PLEKHB2: variants seen among roughly 807,000 people sequenced by gnomAD.
The protein encoded by PLEKHB2 is pleckstrin homology domain-containing family B member 2.
A neutral mutation model predicts 36.5 loss-of-function variants in PLEKHB2; 31 were observed. That is an observed-to-expected ratio of 0.85 (90% CI 0.64 to 1.15). PLEKHB2 has a LOEUF of 1.15. PLEKHB2 is among the 50% of genes most tolerant of loss of function. The pLI is 0.00. For missense variants in PLEKHB2, 262 were observed against 295.3 expected, an observed-to-expected ratio of 0.89 and a Z score of 0.83; for synonymous variants, 119 against 112.0, an observed-to-expected ratio of 1.06 and a Z score of -0.39.
At chr2:131,122,785 C>G (rs1329725206) in intron 2 of PLEKHB2, among the ~76,000 whole-genome samples, 1 of 152,186 alleles carries the variant, frequency 6.6e-6, no homozygotes, top group Non-Finnish European at 1.5e-5. Flanking sequence ...GTCCTGTAGT[C>G]TTAGAATAGA....
chr2:131,149,648 C>CT lies in PLEKHB2; in HGVS notation c.*2880dup, dbSNP rs1272548528. 1 of 152,224 alleles carries CT rather than the reference C, an allele frequency of 6.6e-6. No individual in the cohort carries two copies. Among genetic ancestry groups the CT allele is most frequent in the East Asian group, 1.9e-4 (1 of 5,198 alleles). 9.4% of individuals were successfully genotyped at this position (152,224 alleles called of 1,614,324 possible). Reference sequence around the variant, plus strand: ...CAAGTTTTGATCCTGTGTAATATTTCTTTTTCCTTCCCTAGTGTATGTAGA... The same window carrying CT: ...CAAGTTTTGATCCTGTGTAATATTTCTTTTTTCCTTCCCTAGTGTATGTAGA... On this transcript the variant is annotated 3_prime_UTR_variant, in exon 8 of 8. Transcript: ENST00000693505.
At chr2:131,145,478 C>G (rs928978301) in intron 7 of PLEKHB2, among the ~76,000 whole-genome samples, 14 of 152,092 alleles carry the variant, frequency 9.2e-5, no homozygotes, top group African/African-American at 3.4e-4. Context: ...TACAGGCATG[C>G]GCCACTACCC....
intron 7 of PLEKHB2, among the ~76,000 whole-genome samples, chr2:131,145,830 T>C (rs1422068105): frequency 6.6e-6 from 1 of 152,256 alleles, no homozygotes; most frequent in Non-Finnish European, 1.5e-5. Context: ...TTTGTTTTTT[T>C]GAAGTTTTCA....
chr2:131,143,071 C>T (rs1698952688), intron 7 of PLEKHB2, among the ~76,000 whole-genome samples: 1 of 152,206 alleles, frequency 6.6e-6, no homozygotes, highest in Non-Finnish European at 1.5e-5. Context: ...ATCTTCAACA[C>T]TTGATTATAA....
chr2:131,108,962 C>T (rs1404630354), intron 1 of PLEKHB2, among the ~76,000 whole-genome samples: 2 of 152,038 alleles, frequency 1.3e-5, no homozygotes, highest in East Asian at 3.9e-4. Context: ...GTGACTTGTC[C>T]GATTGAGTCA....
intron 1 of PLEKHB2, among the ~76,000 whole-genome samples, chr2:131,113,130 T>C (rs1221965993): frequency 6.6e-6 from 1 of 151,724 alleles, no homozygotes; most frequent in East Asian, 1.9e-4. Context: ...CTGCCCAGGT[T>C]GGAATGTAGT....
Position 131,125,825 on chromosome 2 carries a change from A to G in PLEKHB2, c.110A>G (p.Asp37Gly), listed in dbSNP as rs1326535204. 1.9e-6 allele frequency: 3 copies of G among 1,613,658 alleles called. No homozygotes were observed. The highest frequency in any genetic ancestry group is 2.5e-6 in the Non-Finnish European group (3 of 1,179,772). ...WSDGHLIYYD[D>G]QTRQNIEDKV... Reference sequence around the variant, plus strand: ...GATGGTCACCTGATCTATTATGATGACCAGACTCGGCAGAATATCGAGGAT... The same window carrying G: ...GATGGTCACCTGATCTATTATGATGGCCAGACTCGGCAGAATATCGAGGAT... The change falls in exon 3 of 8, where the codon GAC becomes GGC. Residue 37 changes from aspartate to glycine, a missense_variant. Physicochemically the swap from Asp to Gly is moderately conservative, Grantham distance 94 (BLOSUM62 -1). Transcript: ENST00000693505.
chr2:131,141,811 T>C (rs1698817052), intron 7 of PLEKHB2, among the ~76,000 whole-genome samples: 2 of 152,322 alleles, frequency 1.3e-5, no homozygotes, highest in South Asian at 2.1e-4. Flanking sequence ...AAACCAATTT[T>C]ATGGTAGACT....
At chr2:131,143,930 GT>G (rs1699034328) in intron 7 of PLEKHB2, among the ~76,000 whole-genome samples, 1 of 152,200 alleles carries the variant, frequency 6.6e-6, no homozygotes, top group African/African-American at 2.4e-5. Context: ...CGTCAGTAGA[GT>G]AGAAGTAGCA....
At chr2:131,128,712 C>T (rs1163894286) in intron 4 of PLEKHB2, among the ~76,000 whole-genome samples, 1 of 152,106 alleles carries the variant, frequency 6.6e-6, no homozygotes, top group African/African-American at 2.4e-5. Context: ...ACTGGAGATA[C>T]TCTCAGTGAC....
intron 1 of PLEKHB2, among the ~76,000 whole-genome samples, chr2:131,105,968 G>T (rs945171465): frequency 1.3e-5 from 2 of 152,124 alleles, no homozygotes; most frequent in Non-Finnish European, 2.9e-5. Flanking sequence ...GGGCGTTGAG[G>T]CTTTACCCTC....
At chr2:131,116,594 C>T (rs1033653824) in intron 1 of PLEKHB2, among the ~76,000 whole-genome samples, 7 of 152,068 alleles carry the variant, frequency 4.6e-5, no homozygotes, top group Non-Finnish European at 1.0e-4. Context: ...AAGTAGATCT[C>T]CTGAGAACTC....
chr2:131,122,093 T>C (rs1169423145), intron 2 of PLEKHB2, among the ~76,000 whole-genome samples: 1 of 152,132 alleles, frequency 6.6e-6, no homozygotes, highest in South Asian at 2.1e-4. Flanking sequence ...AGACGGAGTT[T>C]CTCCATGTTG....
At chr2:131,144,560 CCTTT>C (rs1699097417) in intron 7 of PLEKHB2, 2 of 425,054 alleles carry the variant, frequency 4.7e-6, no homozygotes, top group Non-Finnish European at 7.9e-6. Flanking sequence ...AAGTAACCTT[CCTTT>C]ATTTAGTTTT....
At chr2:131,109,295 ATTAAT>A in intron 1 of PLEKHB2, among the ~76,000 whole-genome samples, 1 of 152,350 alleles carries the variant, frequency 6.6e-6, no homozygotes, top group East Asian at 1.9e-4. Flanking sequence ...AAATAGGTAG[ATTAAT>A]TTAGGTTGGT....
intron 4 of PLEKHB2, among the ~76,000 whole-genome samples, chr2:131,130,302 C>T (rs1170614292): frequency 1.3e-5 from 2 of 152,168 alleles, no homozygotes; most frequent in Non-Finnish European, 2.9e-5. Context: ...CCTTGGCCTC[C>T]CATAGTGCTG....
At chr2:131,143,981 AG>A in intron 7 of PLEKHB2, among the ~76,000 whole-genome samples, 1 of 152,212 alleles carries the variant, frequency 6.6e-6, no homozygotes, top group East Asian at 1.9e-4. Flanking sequence ...CGCCCACATA[AG>A]GGGCTGAGTC....
rs1361349026 is a variant in PLEKHB2, at chr2:131,125,771, GGAA to G, written c.63_65del (p.Lys21del). 2.5e-6 allele frequency: 4 copies of G among 1,609,844 alleles called. No homozygotes were observed. The highest frequency in any genetic ancestry group is 1.7e-6 in the Non-Finnish European group (2 of 1,178,438). On this transcript the variant is annotated inframe_deletion, in exon 3 of 8. Transcript: ENST00000693505. ...TTTCCAGGTACTATTTTGAAGCGCT[GGAA>G]GAAGAACTGGTTTGATCTGTGGTCG...
intron 6 of PLEKHB2, among the ~76,000 whole-genome samples, chr2:131,139,849 G>A (rs1698606696): frequency 6.6e-6 from 1 of 152,200 alleles, no homozygotes; most frequent in South Asian, 2.1e-4. Flanking sequence ...ATGGGCAAAG[G>A]AAGGCCCAGG....
Sources: allele counts gnomAD v4.1 joint callset (sites outside exome capture counted in the v4.1 genomes callset), GRCh38; gene constraint gnomAD v4.1.1; transcripts MANE v1.5; gene names NCBI Gene and HGNC (gene_info 2026-07-23, HGNC 2026-07-21).